The following TIMM9 variants were observed in gnomAD, a reference collection of about 807,000 sequenced individuals.
TIMM9 encodes translocase of inner mitochondrial membrane 9, also known as mitochondrial import inner membrane translocase subunit Tim9.
TIMM9 carries 10 observed loss-of-function variants against 13.4 expected under a neutral mutation model. That is an observed-to-expected ratio of 0.75 (90% confidence interval 0.46 to 1.26). The LOEUF (loss-of-function observed/expected upper bound fraction) is 1.26, where lower values mean the gene tolerates loss of function less well. Among genes scored for constraint, TIMM9 ranks in the 50% most tolerant of loss-of-function variants. TIMM9 has a pLI of 0.00. For missense variants in TIMM9, 87 were observed against 100.8 expected (o/e 0.86, Z 0.58); for synonymous variants, 32 against 32.1 (o/e 1.00, Z 0.01).
At chr14:58,418,200 T>C (rs2036475931) in intron 3 of TIMM9, among the ~76,000 whole-genome samples, 1 of 152,128 alleles carries the variant, frequency 6.6e-6, no homozygotes, top group South Asian at 2.1e-4. Flanking sequence ...AGTCCACATA[T>C]TAATAGACTG....
rs187782401 is a variant in TIMM9, at chr14:58,419,482, C to T, written c.-27+4526G>A. Among the ~76,000 whole-genome samples the T allele has an allele frequency of 4.0e-5, 6 of 149,292 alleles. No homozygotes were observed. In the East Asian group the frequency reaches 1.3e-3, roughly 32 times the overall value. ...ACACACACACACACACACACACACA[C>T]ACACACACACACACACACACACAAA... is the stretch of plus-strand genomic sequence containing the variant. On this transcript the variant is annotated intron_variant, in intron 3 of 5. Coordinates refer to ENST00000395159, the MANE Select transcript of TIMM9 (RefSeq NM_012460.4).
intron 3 of TIMM9, among the ~76,000 whole-genome samples, chr14:58,422,923 C>G (rs1434148822): frequency 6.6e-6 from 1 of 151,972 alleles, no homozygotes; most frequent in African/African-American, 2.4e-5. Flanking sequence ...GATTTTGTGC[C>G]TCAGCCTCCT....
intron 2 of TIMM9, among the ~76,000 whole-genome samples, chr14:58,425,559 A>G (rs975202995): frequency 4.6e-5 from 7 of 151,834 alleles, no homozygotes; most frequent in Non-Finnish European, 8.8e-5. Flanking sequence ...AAAAAAAAAA[A>G]GAGGGAAAGG....
chr14:58,412,460 G>C (rs931247067), intron 3 of TIMM9, among the ~76,000 whole-genome samples: 1 of 151,896 alleles, frequency 6.6e-6, no homozygotes, highest in African/African-American at 2.4e-5. Context: ...ATTTTCTAAT[G>C]CTAGTTTGGG....
intron 3 of TIMM9, among the ~76,000 whole-genome samples, chr14:58,423,457 G>A (rs551777331): frequency 2.2e-5 from 3 of 138,504 alleles, no homozygotes; most frequent in Non-Finnish European, 4.6e-5. Context: ...AGAGGCTGCA[G>A]TGAGCTGAGA....
chr14:58,418,454 C>G (rs1432944364), intron 3 of TIMM9, among the ~76,000 whole-genome samples: 1 of 152,068 alleles, frequency 6.6e-6, no homozygotes, highest in East Asian at 1.9e-4. Flanking sequence ...AAAGTTCTAC[C>G]CAGTGCAGTG....
At chr14:58,413,679 G>C (rs1189919527) in intron 3 of TIMM9, among the ~76,000 whole-genome samples, 1 of 152,140 alleles carries the variant, frequency 6.6e-6, no homozygotes, top group Non-Finnish European at 1.5e-5. Context: ...ATCCTGGCTA[G>C]TTCTAAAAAG....
At chr14:58,420,944 A>G (rs1354011796) in intron 3 of TIMM9, among the ~76,000 whole-genome samples, 2 of 152,182 alleles carry the variant, frequency 1.3e-5, no homozygotes, top group African/African-American at 2.4e-5. Context: ...TTGGGAATGT[A>G]AAGAGTTTGG....
chr14:58,419,797 T>C (rs1373633542), intron 3 of TIMM9, among the ~76,000 whole-genome samples: 1 of 151,920 alleles, frequency 6.6e-6, no homozygotes, highest in Non-Finnish European at 1.5e-5. Context: ...ATACCTGTAG[T>C]CCCAGCTACT....
chr14:58,408,518 G>A lies in TIMM9; in HGVS notation c.*516C>T, dbSNP rs2140308082. ...AATGATTAGCAAGTAACTATTTTAT[G>A]TATTCACCAGCAATTTGAGGCAGAC... On this transcript the variant is annotated 3_prime_UTR_variant, in exon 6 of 6. Transcript: ENST00000395159. 6.2e-7 allele frequency: 1 copy of A among 1,612,728 alleles called. No homozygotes were observed. Among genetic ancestry groups the A allele is most frequent in the Non-Finnish European group, 8.5e-7 (1 of 1,179,140 alleles).
At chr14:58,417,234 T>C (rs2036440526) in intron 3 of TIMM9, among the ~76,000 whole-genome samples, 1 of 151,956 alleles carries the variant, frequency 6.6e-6, no homozygotes, top group African/African-American at 2.4e-5. Flanking sequence ...TTGCCCAGTC[T>C]AGGGTATGTC....
intron 3 of TIMM9, among the ~76,000 whole-genome samples, chr14:58,419,500 C>T (rs371136686): frequency 2.2e-5 from 3 of 135,716 alleles, no homozygotes; most frequent in South Asian, 4.9e-4. Flanking sequence ...CACACACACA[C>T]ACACAAACAC....
At chr14:58,412,353 G>C (rs1053440505) in intron 3 of TIMM9, among the ~76,000 whole-genome samples, 66 of 152,272 alleles carry the variant, frequency 4.3e-4, no homozygotes, top group African/African-American at 1.5e-3. Context: ...TGTTGGCAAG[G>C]ATGGTCTCGA....
At position 58,411,969 on chromosome 14, in the gene TIMM9, C is replaced by T. The variant is rs200781695; in HGVS notation, c.-24G>A. 6.8e-6 allele frequency: 11 copies of T among 1,610,712 alleles called. No homozygotes were observed. The highest frequency in any genetic ancestry group is 3.3e-5 in the South Asian group (3 of 90,892). On this transcript the variant is annotated splice_region_variant and 5_prime_UTR_variant, in exon 4 of 6. An upstream open reading frame in the 5' UTR loses its in-frame stop. Coordinates refer to ENST00000395159, the MANE Select transcript of TIMM9 (RefSeq NM_012460.4). ...ATATTCTTCTGGTACCTTTATTAGT[C>T]ACCTAATTTAAAAATTCAAAACAAG...
Position 58,410,881 on chromosome 14 carries a change from CA to C in TIMM9, c.96del (p.Cys32TrpfsTer10). On this transcript the variant is annotated frameshift_variant, in exon 5 of 6. Transcript: ENST00000395159. LOFTEE classifies it high-confidence loss of function. Reference sequence around the variant, plus strand: ...ACTTCTCTTGTTGTGAAGTCTTTAACACAGTCCAAAAAGCAGGTCTCTGTAA... The same window carrying C: ...ACTTCTCTTGTTGTGAAGTCTTTAACCAGTCCAAAAAGCAGGTCTCTGTAA... The part of the protein sequence containing the change: ...NKLTETCFLD[C>X]VKDFTTREVK... 1 of 1,613,086 alleles carries C rather than the reference CA, an allele frequency of 6.2e-7. No homozygotes were observed. The highest frequency in any genetic ancestry group is 8.5e-7 in the Non-Finnish European group (1 of 1,179,742).
Position 58,427,351 on chromosome 14 carries a change from A to G in TIMM9, c.-304+41T>C, listed in dbSNP as rs940609064. On this transcript the variant is annotated intron_variant, in intron 1 of 5. Transcript: ENST00000395159. ...TCTATTCCCGACTTCCTCTCCAATA[A>G]TGACCCGAATCTGTCGAAACTTCTT... 1.2e-5 allele frequency: 5 copies of G among 415,344 alleles called. No homozygotes were observed. In the South Asian group the frequency reaches 1.3e-4, roughly 11 times the overall value. The allele number at this position is 415,344 out of a possible 1,614,324, so 25.7% of individuals were successfully genotyped here.
At chr14:58,421,666 G>A (rs2036591957) in intron 3 of TIMM9, among the ~76,000 whole-genome samples, 1 of 152,118 alleles carries the variant, frequency 6.6e-6, no homozygotes, top group African/African-American at 2.4e-5. Context: ...CTGTTAGCAA[G>A]CATTCCAAGC....
chr14:58,408,629 A>C lies in TIMM9; in HGVS notation c.*405T>G, dbSNP rs1387544821. ...AGTCCAGTGAGAATACTATGGTACC[A>C]TACAGTATAAACAACTGCTCAGTGA... On this transcript the variant is annotated 3_prime_UTR_variant, in exon 6 of 6. Transcript: ENST00000395159. 6.4e-7 allele frequency: 1 copy of C among 1,558,996 alleles called. No individual in the cohort carries two copies. Among genetic ancestry groups the C allele is most frequent in the Admixed American group, 1.9e-5 (1 of 53,970 alleles).
chr14:58,411,067 A>C, intron 4 of TIMM9, 129 bp from the exon 5 acceptor site: 1 of 655,782 alleles, frequency 1.5e-6, no homozygotes, highest in Non-Finnish European at 2.7e-6. Context: ...TATTATGCTA[A>C]CTTAAATGGG....
Sources: gnomAD v4.1 joint callset for allele counts (sites outside exome capture counted in the v4.1 genomes callset) on GRCh38, gnomAD v4.1.1 for gene constraint, MANE v1.5 for transcripts, NCBI Gene and HGNC (gene_info 2026-07-23, HGNC 2026-07-21) for gene names.